Variants in RHBDF1 observed in about 807,000 individuals in gnomAD.
The protein encoded by RHBDF1 is rhomboid 5 homolog 1.
In RHBDF1, 80 loss-of-function variants were observed where a neutral mutation model predicts 98.6. The observed-to-expected ratio is 0.81, with a 90% CI of 0.68 to 0.98. The LOEUF (loss-of-function observed/expected upper bound fraction) is 0.98. Ranked by LOEUF, RHBDF1 falls within the 50% of genes least tolerant of loss-of-function variation. The probability of loss-of-function intolerance (pLI) is 0.00; values close to 1 mark genes in which losing one functional copy is unlikely to be tolerated. For missense variants in RHBDF1, 1,116 were observed against 1,198.3 expected, an observed-to-expected ratio of 0.93 and a Z score of 1.01; for synonymous variants, 512 against 486.8, an observed-to-expected ratio of 1.05 and a Z score of -0.68.
chr16:61,030 G>T, intron 11 of RHBDF1, 90 bp downstream of exon 11: 1 of 1,389,912 alleles, frequency 7.2e-7, no homozygotes, highest in South Asian at 1.4e-5. Context: ...CCAGGAACGA[G>T]GGCGAAGGAT....
chr16:68,219 G>C (rs540192761), intron 1 of RHBDF1, among the ~76,000 whole-genome samples: 5 of 152,348 alleles, frequency 3.3e-5, no homozygotes, highest in Admixed American at 3.3e-4. Context: ...CCTGAGAACC[G>C]ACAGTTATAG....
At chr16:62,402 CCA>C (rs1897667547) in intron 7 of RHBDF1, 134 bp downstream of exon 7, 1 of 1,195,840 alleles carries the variant, frequency 8.4e-7, no homozygotes, top group Non-Finnish European at 1.2e-6. Flanking sequence ...CCCTGGTGGC[CCA>C]GTGAGTAGTG....
At chr16:76,170 C>T (rs1395214990), upstream of RHBDF1, 4 of 152,572 alleles carry the variant, frequency 2.6e-5, no homozygotes, top group South Asian at 8.3e-4. Flanking sequence ...CCACTGATAT[C>T]CTTGCCTCCT....
At chr16:67,450 G>A (rs1270486089) in intron 1 of RHBDF1, among the ~76,000 whole-genome samples, 1 of 152,166 alleles carries the variant, frequency 6.6e-6, no homozygotes, top group South Asian at 2.1e-4. Flanking sequence ...CTTCACTCAG[G>A]AGTGTGAGTG....
intron 2 of RHBDF1, 28 bp from the exon 3 acceptor site, chr16:64,857 C>T (rs1284610123): frequency 7.4e-6 from 12 of 1,614,040 alleles, no homozygotes; most frequent in Non-Finnish European, 9.3e-6. Flanking sequence ...GGTGAGGGTA[C>T]TGGACAGGGG....
At chr16:65,132 G>T in intron 1 of RHBDF1, 93 bp from the exon 2 acceptor site, 1 of 1,348,600 alleles carries the variant, frequency 7.4e-7, no homozygotes, top group Non-Finnish European at 9.9e-7. Context: ...GCAGTGATGA[G>T]CCCAACCGTG....
upstream of RHBDF1, among the ~76,000 whole-genome samples, chr16:74,527 C>G (rs923545359): frequency 6.6e-6 from 1 of 152,144 alleles, no homozygotes; most frequent in African/African-American, 2.4e-5. Context: ...GGGGAGCATG[C>G]CCCAGTCTGC....
Position 60,431 on chromosome 16 carries a change from G to T in RHBDF1, c.1658+8C>A. Reference sequence around the variant, plus strand: ...AAGGCAGGTGAGAGAGCTGCCGGCAGGACTAACCTGGGATCCTGGTGGCAG... The same window carrying T: ...AAGGCAGGTGAGAGAGCTGCCGGCATGACTAACCTGGGATCCTGGTGGCAG... On this transcript the variant is annotated splice_region_variant and intron_variant, in intron 12 of 17. Coordinates refer to ENST00000262316, the MANE Select transcript of RHBDF1 (RefSeq NM_022450.5). 1 of 1,611,282 alleles carries T rather than the reference G, an allele frequency of 6.2e-7. No individual in the cohort carries two copies.
chr16:68,340 G>A (rs371026617), intron 1 of RHBDF1, among the ~76,000 whole-genome samples: 5 of 152,364 alleles, frequency 3.3e-5, no homozygotes, highest in East Asian at 1.9e-4. Flanking sequence ...CGGAGTAGGC[G>A]TGGGGAGGGG....
At chr16:61,318 C>T (rs1233042807) in intron 10 of RHBDF1, 37 bp from the exon 11 acceptor site, 1 of 1,542,550 alleles carries the variant, frequency 6.5e-7, no homozygotes, top group Admixed American at 2.0e-5. Flanking sequence ...CAGTCCGGGG[C>T]CTCCTGCCCC....
chr16:68,042 G>A (rs1467362866), intron 1 of RHBDF1, among the ~76,000 whole-genome samples: 2 of 152,054 alleles, frequency 1.3e-5, no homozygotes, highest in African/African-American at 4.8e-5. Context: ...GTCGGCCCCA[G>A]GAACCTCCCC....
At chr16:64,492 G>A (rs1204089820) in intron 3 of RHBDF1, 4 of 1,530,148 alleles carry the variant, frequency 2.6e-6, no homozygotes, top group Non-Finnish European at 3.5e-6. Flanking sequence ...GAGAGTGAGT[G>A]CTGAAGAGAA....
chr16:59,506 G>A lies in RHBDF1; in HGVS notation c.1818-12C>T. ...AGGTGATCTCACACCTAGAAAGGCAGGCCAGGGTTCGGAGACTGCTGCCTT... is the reference window on the plus strand; with the variant it reads ...AGGTGATCTCACACCTAGAAAGGCAAGCCAGGGTTCGGAGACTGCTGCCTT... On this transcript the variant is annotated splice_polypyrimidine_tract_variant and intron_variant, in intron 14 of 17. Transcript: ENST00000262316. 6.2e-7 allele frequency: 1 copy of A among 1,612,224 alleles called. No homozygotes were observed. The highest frequency in any genetic ancestry group is 8.5e-7 in the Non-Finnish European group (1 of 1,179,348).
intron 8 of RHBDF1, 36 bp from the exon 9 acceptor site, chr16:61,732 G>C (rs1166160880): frequency 1.9e-6 from 3 of 1,612,106 alleles, no homozygotes; most frequent in South Asian, 2.2e-5. Flanking sequence ...CCTCATCCCC[G>C]ACCCGGAGCC....
At chr16:69,052 G>A (rs1222608011) in intron 1 of RHBDF1, among the ~76,000 whole-genome samples, 2 of 152,164 alleles carry the variant, frequency 1.3e-5, no homozygotes, top group East Asian at 1.9e-4. Flanking sequence ...ACAGGGTGGT[G>A]TAGCCTGTGG....
Position 58,263 on chromosome 16 carries a change from T to C in RHBDF1, c.*77A>G. 1 of 1,450,368 alleles carries C rather than the reference T, an allele frequency of 6.9e-7. No individual in the cohort carries two copies. Among genetic ancestry groups the C allele is most frequent in the Non-Finnish European group, 9.4e-7 (1 of 1,065,676 alleles). 89.8% of individuals were successfully genotyped at this position (1,450,368 alleles called of 1,614,324 possible). ...CCCCACATGGAGCAGGTGACTCCTG[T>C]AAGCCTGTGAGGCTCAGGGAGGTCG... On this transcript the variant is annotated 3_prime_UTR_variant, in exon 18 of 18. Transcript: ENST00000262316.
At position 63,697 on chromosome 16, in the gene RHBDF1, G is replaced by A. The variant is rs1567116126; in HGVS notation, c.352C>T (p.Pro118Ser). The A allele has an allele frequency of 1.9e-6, 3 of 1,613,514 alleles. No homozygotes were observed. Among genetic ancestry groups the A allele is most frequent in the Admixed American group, 3.3e-5 (2 of 60,030 alleles). ...AGGTCCAGCTCCCGGAGGACCTGGGGCTTCAGCTTCCCGTAGCGCTGGCTG... is the reference window on the plus strand; with the variant it reads ...AGGTCCAGCTCCCGGAGGACCTGGGACTTCAGCTTCCCGTAGCGCTGGCTG... The part of the protein sequence containing the change: ...HCSQRYGKLK[P>S]QVLRELDLPS... The change falls in exon 4 of 18, where the codon CCC becomes TCC. Residue 118 changes from proline to serine, a missense_variant. Pro to Ser is a moderately conservative substitution (Grantham distance 74). Coordinates refer to ENST00000262316, the MANE Select transcript of RHBDF1 (RefSeq NM_022450.5).
At chr16:73,751 G>C (rs1567120560), upstream of RHBDF1, among the ~76,000 whole-genome samples, 1 of 152,212 alleles carries the variant, frequency 6.6e-6, no homozygotes, top group Non-Finnish European at 1.5e-5. Flanking sequence ...TTCAGGCCCT[G>C]TGCTGGTCAC....
chr16:63,231 C>T, intron 4 of RHBDF1, 49 bp from the exon 5 acceptor site: 3 of 1,466,978 alleles, frequency 2.0e-6, no homozygotes, highest in Non-Finnish European at 2.8e-6. Context: ...GGGCTCCTAG[C>T]TCACCCAGAG....
Sources: gnomAD v4.1 joint callset for allele counts (sites outside exome capture counted in the v4.1 genomes callset) on GRCh38, gnomAD v4.1.1 for gene constraint, MANE v1.5 for transcripts, NCBI Gene and HGNC (gene_info 2026-07-23, HGNC 2026-07-21) for gene names.